Variants in TEX2 observed in about 807,000 individuals in gnomAD.
TEX2 encodes testis-expressed protein 2.
In TEX2, 53 loss-of-function variants were observed where a neutral mutation model predicts 106.9. That is an observed-to-expected ratio of 0.50 (90% CI 0.40 to 0.62). The LOEUF (loss-of-function observed/expected upper bound fraction) is 0.62, where lower values mean the gene tolerates loss of function less well. Among genes scored for constraint, TEX2 ranks in the 20% least tolerant of loss-of-function variants. The pLI is 0.00. For synonymous variants in TEX2, 523 were observed against 534.8 expected (o/e 0.98, Z 0.30); for missense variants, 1,207 against 1,379.0 (o/e 0.88, Z 1.98).
intron 1 of TEX2, among the ~76,000 whole-genome samples, chr17:64,223,713 C>CTTTTTTT (rs34897234): frequency 1.8e-5 from 2 of 110,760 alleles, no homozygotes; most frequent in African/African-American, 3.4e-5. Context: ...AACAGAGCAT[C>CTTTTTTT]TTTTTTTTTT....
At chr17:64,256,659 G>T (rs1389301877) in intron 1 of TEX2, among the ~76,000 whole-genome samples, 1 of 152,076 alleles carries the variant, frequency 6.6e-6, no homozygotes, top group Non-Finnish European at 1.5e-5. Flanking sequence ...CTATTGACTT[G>T]TTTGTTGTCT....
intron 5 of TEX2, among the ~76,000 whole-genome samples, chr17:64,183,410 A>G (rs1027440018): frequency 1.3e-5 from 2 of 152,064 alleles, no homozygotes; most frequent in African/African-American, 4.8e-5. Flanking sequence ...CCAGCAACGT[A>G]TGAGGACTCC....
intron 1 of TEX2, among the ~76,000 whole-genome samples, chr17:64,250,503 AG>A (rs781820830): frequency 2.6e-5 from 4 of 152,204 alleles, no homozygotes; most frequent in Non-Finnish European, 5.9e-5. Context: ...ATTATCAGCA[AG>A]GTAGGGTTAG....
At chr17:64,175,187 A>G (rs947681461) in intron 6 of TEX2, among the ~76,000 whole-genome samples, 4 of 152,182 alleles carry the variant, frequency 2.6e-5, no homozygotes, top group Non-Finnish European at 5.9e-5. Context: ...ACAGCTTCAG[A>G]ATTTGGTAAT....
chr17:64,212,796 C>G lies in TEX2; in HGVS notation c.1422G>C (p.Lys474Asn). Reference protein sequence around the residue: ...SAVQHPELPVKTLGFFIMCVY... With the variant: ...SAVQHPELPVNTLGFFIMCVY... ...CACACATTATAAAGAAGCCCAACGT[C>G]TTCACTGGCAATTCCGGGTGCTGCA... The change falls in exon 2 of 12, where the codon AAG becomes AAC. Residue 474 changes from lysine to asparagine, a missense_variant. Physicochemically the swap from Lys to Asn is moderately conservative, Grantham distance 94. Coordinates refer to ENST00000584379, the MANE Select transcript of TEX2 (RefSeq NM_001288732.2). 1 of 1,614,136 alleles carries G rather than the reference C, an allele frequency of 6.2e-7. No homozygotes were observed. The highest frequency in any genetic ancestry group is 1.1e-5 in the South Asian group (1 of 91,078).
chr17:64,262,811 G>A (rs1265580401), intron 1 of TEX2, among the ~76,000 whole-genome samples: 1 of 152,194 alleles, frequency 6.6e-6, no homozygotes, highest in Non-Finnish European at 1.5e-5. Flanking sequence ...CAGGAACCCG[G>A]GGCCCCATTC....
At chr17:64,151,469 T>C (rs552850945) in intron 10 of TEX2, among the ~76,000 whole-genome samples, 1 of 152,266 alleles carries the variant, frequency 6.6e-6, no homozygotes, top group African/African-American at 2.4e-5. Context: ...AAACCTGTTT[T>C]TTCATCCTAC....
chr17:64,169,106 T>G (rs888532066), intron 7 of TEX2, among the ~76,000 whole-genome samples: 2 of 152,180 alleles, frequency 1.3e-5, no homozygotes, highest in Non-Finnish European at 2.9e-5. Flanking sequence ...AGGCACAGTC[T>G]TGGCTCATTG....
intron 6 of TEX2, among the ~76,000 whole-genome samples, chr17:64,172,214 G>A (rs2143742693): frequency 6.6e-6 from 1 of 151,914 alleles, no homozygotes; most frequent in East Asian, 2.0e-4. Context: ...TTAGCCGGGT[G>A]TGGTGGCACG....
At chr17:64,202,882 C>T (rs1474356111) in intron 2 of TEX2, among the ~76,000 whole-genome samples, 4 of 152,208 alleles carry the variant, frequency 2.6e-5, no homozygotes, top group African/African-American at 9.6e-5. Flanking sequence ...GACAATGACC[C>T]AGTCAGCCAG....
Position 64,148,938 on chromosome 17 carries a change from T to G in TEX2, c.*31A>C. On this transcript the variant is annotated 3_prime_UTR_variant, in exon 12 of 12. Transcript: ENST00000584379. ...AGAACCCCACACATCCAGCTCGATGTCACAATATGGGGAACATCTGACATC... is the reference window on the plus strand; with the variant it reads ...AGAACCCCACACATCCAGCTCGATGGCACAATATGGGGAACATCTGACATC... 2 of 1,613,362 alleles carry G rather than the reference T, an allele frequency of 1.2e-6. No homozygotes were observed. Among genetic ancestry groups the G allele is most frequent in the Non-Finnish European group, 1.7e-6 (2 of 1,179,702 alleles).
At chr17:64,162,021 G>A (rs976582175) in intron 7 of TEX2, among the ~76,000 whole-genome samples, 4 of 152,070 alleles carry the variant, frequency 2.6e-5, no homozygotes, top group Admixed American at 1.3e-4. Context: ...CACTAATGGT[G>A]TCATTCCTCA....
chr17:64,213,104 A>C lies in TEX2; in HGVS notation c.1114T>G (p.Ser372Ala). 1.2e-6 allele frequency: 2 copies of C among 1,614,080 alleles called. No individual in the cohort carries two copies. Among genetic ancestry groups the C allele is most frequent in the Non-Finnish European group, 1.7e-6 (2 of 1,180,022 alleles). Residue 372 changes from serine to alanine, a missense_variant, in exon 2 of 12, where the codon TCC becomes GCC. By Grantham distance (99) the Ser-to-Ala change is moderately conservative. Coordinates refer to ENST00000584379, the MANE Select transcript of TEX2 (RefSeq NM_001288732.2). The surrounding 1 kb of genome is among the most constrained non-coding windows in gnomAD (Gnocchi z 4.4). ...ATCTCTCTTGTGGGCTCACCAGTGG[A>C]CTTTGGGTGGTCACTTCTGGGGATG... ...SNIPRSDHPK[S>A]TGEPTREIEL...
Position 64,153,179 on chromosome 17 carries a change from G to T in TEX2, c.2931-25C>A. ...CCTTCAAATGTGGAACACAAAGGGC[G>T]GTTAGCACAAACTTTGCTCTTTTCA... On this transcript the variant is annotated intron_variant, in intron 9 of 11. Coordinates refer to ENST00000584379, the MANE Select transcript of TEX2 (RefSeq NM_001288732.2). The surrounding 1 kb of genome is among the most constrained non-coding windows in gnomAD (Gnocchi z 4.1). 1 of 1,563,186 alleles carries T rather than the reference G, an allele frequency of 6.4e-7. No individual in the cohort carries two copies. The highest frequency in any genetic ancestry group is 1.1e-5 in the South Asian group (1 of 88,548).
At chr17:64,235,764 C>T (rs1483829252) in intron 1 of TEX2, among the ~76,000 whole-genome samples, 1 of 152,174 alleles carries the variant, frequency 6.6e-6, no homozygotes. Context: ...CATTGCTATA[C>T]ATAAGTAAAT....
intron 1 of TEX2, among the ~76,000 whole-genome samples, chr17:64,256,425 T>C (rs1555637739): frequency 1.3e-5 from 2 of 152,180 alleles, no homozygotes; most frequent in African/African-American, 2.4e-5. Context: ...TTGTGACATG[T>C]CCTCTGCAGA....
intron 7 of TEX2, among the ~76,000 whole-genome samples, chr17:64,161,389 G>C (rs1229500767): frequency 6.6e-6 from 1 of 152,210 alleles, no homozygotes; most frequent in African/African-American, 2.4e-5. Flanking sequence ...AGACACATAT[G>C]AGAACCGCTG....
At chr17:64,170,970 G>C (rs527308066) in intron 7 of TEX2, 130 bp downstream of exon 7, 1 of 736,886 alleles carries the variant, frequency 1.4e-6, no homozygotes, top group Admixed American at 2.4e-5. Context: ...GGTAAGAACA[G>C]AAAGACACTC....
At chr17:64,230,199 T>C (rs1433277583) in intron 1 of TEX2, among the ~76,000 whole-genome samples, 1 of 150,552 alleles carries the variant, frequency 6.6e-6, no homozygotes, top group Non-Finnish European at 1.5e-5. Context: ...GAAATAGGAA[T>C]TGATGGGAGG....
Sources: allele counts gnomAD v4.1 joint callset (sites outside exome capture counted in the v4.1 genomes callset), GRCh38; gene constraint gnomAD v4.1.1; non-coding constraint Gnocchi (gnomAD v3.1); transcripts MANE v1.5; gene names NCBI Gene and HGNC (gene_info 2026-07-23, HGNC 2026-07-21).